ABCB1: variants seen among roughly 807,000 people sequenced by gnomAD.
ABCB1 encodes ATP-dependent translocase ABCB1.
A neutral mutation model predicts 142.0 loss-of-function variants in ABCB1; 69 were observed. The observed-to-expected ratio is 0.49, with a 90% confidence interval of 0.40 to 0.59. ABCB1 has a LOEUF of 0.59. Among genes scored for constraint, ABCB1 ranks in the 20% least tolerant of loss-of-function variants. The probability of loss-of-function intolerance (pLI) is 0.00; values close to 1 mark genes in which losing one functional copy is unlikely to be tolerated. For synonymous variants in ABCB1, 532 were observed against 539.2 expected (o/e 0.99, Z 0.18); for missense variants, 1,326 against 1,554.7 (o/e 0.85, Z 2.47).
At chr7:87,520,123 CA>C (rs1815429798) in intron 22 of ABCB1, among the ~76,000 whole-genome samples, 1 of 152,094 alleles carries the variant, frequency 6.6e-6, no homozygotes, top group Non-Finnish European at 1.5e-5. Flanking sequence ...CCTGGGCTTC[CA>C]ACCCCTCCTG....
At chr7:87,545,743 C>A (rs535886689) in intron 15 of ABCB1, 120 bp downstream of exon 15, 2 of 1,069,088 alleles carry the variant, frequency 1.9e-6, no homozygotes, top group Admixed American at 4.7e-5. Context: ...TCCTGAATCC[C>A]CCAGGTGTTG....
At position 87,648,053 on chromosome 7, in the gene ABCB1, T is replaced by C. The variant is rs943838584; in HGVS notation, c.-330-46975A>G. 2.0e-5 allele frequency among the ~76,000 whole-genome samples: 3 copies of C among 151,120 alleles called. No homozygotes were observed. The South Asian group carries it at 6.3e-4, about 32-fold the overall frequency. ...ACAAAAAATTAGCCGGGCTTGGTGG[T>C]GGGCGCCTGTAGTCCCAGCTACTCA... On this transcript the variant is annotated intron_variant, in intron 1 of 28. Transcript: ENST00000265724.
chr7:87,614,228 T>C lies in ABCB1; in HGVS notation c.-330-13150A>G, dbSNP rs186912848. ...CTGGGCAACATAGTGAGACCCTGTC[T>C]CTAAAGAAAAATTAACAAATTAGCC... On this transcript the variant is annotated intron_variant, in intron 1 of 28. Transcript: ENST00000265724. 4.3e-3 allele frequency among the ~76,000 whole-genome samples: 654 copies of C among 152,216 alleles called. 2 individuals carry two copies. The highest frequency in any genetic ancestry group is 7.9e-3 in the Admixed American group (120 of 15,274).
At chr7:87,649,548 T>A (rs1387092217) in intron 1 of ABCB1, among the ~76,000 whole-genome samples, 1 of 152,226 alleles carries the variant, frequency 6.6e-6, no homozygotes, top group Non-Finnish European at 1.5e-5. Flanking sequence ...ATTGAGAAGA[T>A]GACATTTGAG....
chr7:87,594,697 C>T (rs1287335513), intron 3 of ABCB1, among the ~76,000 whole-genome samples: 1 of 151,972 alleles, frequency 6.6e-6, no homozygotes, highest in African/African-American at 2.4e-5. Context: ...TTCCAAAGGG[C>T]GTAGAGATAG....
intron 1 of ABCB1, among the ~76,000 whole-genome samples, chr7:87,654,800 C>T (rs1419570511): frequency 6.6e-6 from 1 of 152,042 alleles, no homozygotes; most frequent in East Asian, 1.9e-4. Context: ...ATTTAAAAAC[C>T]ACACATCGGA....
chr7:87,612,953 G>A (rs1819904067), intron 1 of ABCB1, among the ~76,000 whole-genome samples: 1 of 148,368 alleles, frequency 6.7e-6, no homozygotes, highest in South Asian at 2.1e-4. Flanking sequence ...GTGTTTCATA[G>A]TTGTTCCTTT....
chr7:87,534,932 A>AAAAAC (rs1190633532), intron 20 of ABCB1, among the ~76,000 whole-genome samples: 3 of 141,704 alleles, frequency 2.1e-5, no homozygotes, highest in Non-Finnish European at 4.7e-5. Flanking sequence ...AAAAAAAAAA[A>AAAAAC]AAAAAAAACT....
At chr7:87,579,728 C>T (rs1002508139) in intron 4 of ABCB1, among the ~76,000 whole-genome samples, 22 of 152,046 alleles carry the variant, frequency 1.4e-4, no homozygotes, top group African/African-American at 4.6e-4. Flanking sequence ...TTCCTTCTTT[C>T]GTTCTTTCTT....
chr7:87,587,000 C>T (rs1342171618), intron 3 of ABCB1, among the ~76,000 whole-genome samples: 1 of 152,100 alleles, frequency 6.6e-6, no homozygotes, highest in African/African-American at 2.4e-5. Context: ...GCATAACTTT[C>T]CATGTTATTT....
At chr7:87,645,673 G>C (rs924661796) in intron 1 of ABCB1, among the ~76,000 whole-genome samples, 25 of 152,118 alleles carry the variant, frequency 1.6e-4, no homozygotes, top group Non-Finnish European at 2.5e-4. Flanking sequence ...CTCAGCATCT[G>C]TGTGATATTT....
At chr7:87,693,811 G>A in intron 1 of ABCB1, 1 of 1,116,236 alleles carries the variant, frequency 9.0e-7, no homozygotes, top group Non-Finnish European at 1.3e-6. Context: ...AAAATTATAT[G>A]TAGCCATCTT....
At chr7:87,709,696 G>A (rs1829897770) in intron 1 of ABCB1, among the ~76,000 whole-genome samples, 1 of 152,024 alleles carries the variant, frequency 6.6e-6, no homozygotes, top group South Asian at 2.1e-4. Flanking sequence ...TCCCTTTCTG[G>A]TAGTTGACAA....
intron 1 of ABCB1, among the ~76,000 whole-genome samples, chr7:87,643,191 G>A (rs1003799119): frequency 6.6e-6 from 1 of 152,166 alleles, no homozygotes; most frequent in Non-Finnish European, 1.5e-5. Context: ...ACAGGTGTGA[G>A]CCACCACACC....
In ABCB1 at chr7:87,503,054, A is replaced by C. The variant is rs2117050237; in HGVS notation, c.*1189T>G. 6.6e-6 allele frequency among the ~76,000 whole-genome samples: 1 copy of C among 152,158 alleles called. No individual in the cohort carries two copies. The highest frequency in any genetic ancestry group is 2.1e-4 in the South Asian group (1 of 4,826). ...AGATTTTTTTATTCATCATTAAATT[A>C]CAAGGCAAAAAAATGATATTTTGTT... On this transcript the variant is annotated 3_prime_UTR_variant, in exon 28 of 28. Transcript: ENST00000622132.
intron 1 of ABCB1, among the ~76,000 whole-genome samples, chr7:87,703,915 TTTTTTTTTTTTTTTTTTTTTTTTTTGA>T (rs1829357161): frequency 1.1e-4 from 2 of 18,542 alleles, no homozygotes; most frequent in South Asian, 2.2e-3. Flanking sequence ...TTTTTTTTGG[TTTTTTTTTTTTTTTTTTTTTTTTTTGA>T]GACAGTCTAG....
chr7:87,575,797 C>T (rs925782080), intron 4 of ABCB1, among the ~76,000 whole-genome samples: 2 of 152,136 alleles, frequency 1.3e-5, no homozygotes, highest in African/African-American at 2.4e-5. Context: ...TGCCTCTTGC[C>T]TGACCTTCCT....
chr7:87,634,641 A>C (rs1284640813), intron 1 of ABCB1, among the ~76,000 whole-genome samples: 2 of 152,114 alleles, frequency 1.3e-5, no homozygotes, highest in Non-Finnish European at 2.9e-5. Flanking sequence ...AAAAAAAGAA[A>C]AAAAAAAGAA....
intron 1 of ABCB1, among the ~76,000 whole-genome samples, chr7:87,655,071 G>T (rs1299477919): frequency 6.6e-6 from 1 of 152,050 alleles, no homozygotes; most frequent in Non-Finnish European, 1.5e-5. Context: ...GGGAACCCTT[G>T]TAGTAGGAAT....
Sources: gnomAD v4.1 joint callset for allele counts (sites outside exome capture counted in the v4.1 genomes callset) on GRCh38, gnomAD v4.1.1 for gene constraint, MANE v1.5 for transcripts, NCBI Gene and HGNC (gene_info 2026-07-23, HGNC 2026-07-21) for gene names.